The following SMAD9 variants were observed in gnomAD, a reference collection of about 807,000 sequenced individuals.
SMAD9 encodes MAD homolog 9.
Under a neutral mutation model 46.1 loss-of-function variants are expected in SMAD9, and 36 were observed. The ratio of observed to expected loss-of-function variants is 0.78; its 90% confidence interval spans 0.60 to 1.03. The LOEUF (loss-of-function observed/expected upper bound fraction) is 1.03. Ranked by LOEUF, SMAD9 falls within the 50% of genes least tolerant of loss-of-function variation. SMAD9 has a pLI of 0.00. For synonymous variants in SMAD9, 245 were observed against 237.1 expected, an observed-to-expected ratio of 1.03 and a Z score of -0.31; for missense variants, 572 against 599.8, an observed-to-expected ratio of 0.95 and a Z score of 0.48.
At chr13:36,853,347 AC>A in intron 6 of SMAD9, 71 bp downstream of exon 6, 1 of 1,452,636 alleles carries the variant, frequency 6.9e-7, no homozygotes, top group Non-Finnish European at 9.6e-7. Flanking sequence ...ACTGCCTGCC[AC>A]ATCAGTCAGG....
At position 36,920,187 on chromosome 13, in the gene SMAD9, A is replaced by AGCGGCAGCGGCG. The variant is rs886050177; in HGVS notation, c.-259_-258insCGCCGCTGCCGC. 5 of 143,946 alleles carry AGCGGCAGCGGCG rather than the reference A, an allele frequency of 3.5e-5. No individual in the cohort carries two copies. Among genetic ancestry groups the AGCGGCAGCGGCG allele is most frequent in the African/African-American group, 1.5e-4 (5 of 33,610 alleles). 8.9% of individuals were successfully genotyped at this position (143,946 alleles called of 1,614,324 possible). On this transcript the variant is annotated 5_prime_UTR_variant, in exon 1 of 7. Coordinates refer to ENST00000379826, the MANE Select transcript of SMAD9 (RefSeq NM_001127217.3). ...CGGGGACCGAGACAGCGGCTGCAGC[A>AGCGGCAGCGGCG]GCGGCGGCGGCGGCGGCGGCGGCGG...
At chr13:36,906,732 T>G (rs990813145) in intron 1 of SMAD9, among the ~76,000 whole-genome samples, 3 of 152,246 alleles carry the variant, frequency 2.0e-5, no homozygotes, top group African/African-American at 7.2e-5. Context: ...TGGCTCTTGT[T>G]AACAAAACAG....
intron 5 of SMAD9, among the ~76,000 whole-genome samples, chr13:36,856,896 G>A (rs1451997319): frequency 2.0e-5 from 3 of 147,790 alleles, no homozygotes; most frequent in South Asian, 4.3e-4. Context: ...TCTGCCTCCC[G>A]GGTTCAAGCG....
intron 1 of SMAD9, among the ~76,000 whole-genome samples, chr13:36,889,564 TTTTTTA>T (rs1385061033): frequency 3.3e-5 from 5 of 152,188 alleles, no homozygotes; most frequent in Middle Eastern, 3.2e-3. Flanking sequence ...TCTAACAGGC[TTTTTTA>T]TTTTTATTAG....
At chr13:36,859,407 G>A (rs1049790329) in intron 5 of SMAD9, among the ~76,000 whole-genome samples, 1 of 152,158 alleles carries the variant, frequency 6.6e-6, no homozygotes, top group Non-Finnish European at 1.5e-5. Context: ...AGACGGGTAG[G>A]CATTCTAAGT....
intron 1 of SMAD9, among the ~76,000 whole-genome samples, chr13:36,906,871 G>A (rs987939593): frequency 6.6e-6 from 1 of 152,040 alleles, no homozygotes; most frequent in Non-Finnish European, 1.5e-5. Flanking sequence ...AAAAGTAAAC[G>A]TAGAATTACC....
At chr13:36,855,291 A>G (rs929208313) in intron 5 of SMAD9, among the ~76,000 whole-genome samples, 2 of 151,418 alleles carry the variant, frequency 1.3e-5, no homozygotes, top group African/African-American at 4.8e-5. Flanking sequence ...GCATCCTGAG[A>G]ATGTTGCTGC....
chr13:36,888,166 C>T (rs1262687168), intron 1 of SMAD9, among the ~76,000 whole-genome samples: 1 of 152,160 alleles, frequency 6.6e-6, no homozygotes, highest in Non-Finnish European at 1.5e-5. Flanking sequence ...TCTGTGCCCC[C>T]GCCCAAATCT....
intron 1 of SMAD9, among the ~76,000 whole-genome samples, chr13:36,905,361 CTTTT>C (rs1393577063): frequency 6.6e-6 from 1 of 152,168 alleles, no homozygotes; most frequent in African/African-American, 2.4e-5. Context: ...TCTTACACTT[CTTTT>C]GAGTATCTTC....
intron 1 of SMAD9, among the ~76,000 whole-genome samples, chr13:36,884,163 T>A (rs542995853): frequency 6.6e-6 from 1 of 152,350 alleles, no homozygotes; most frequent in Non-Finnish European, 1.5e-5. Flanking sequence ...CTGGCCCTGT[T>A]AATAACAAAT....
intron 1 of SMAD9, among the ~76,000 whole-genome samples, chr13:36,884,675 C>T (rs946999112): frequency 2.0e-5 from 3 of 152,142 alleles, no homozygotes; most frequent in Non-Finnish European, 2.9e-5. Context: ...TTTAAGTTGA[C>T]GGTTTTAAAT....
rs113015356 is a variant in SMAD9, at chr13:36,915,659, TG to T, written c.-187+4456del. Among the ~76,000 whole-genome samples the T allele has an allele frequency of 9.8e-4, 149 of 152,326 alleles. 2 individuals carry two copies. The highest frequency in any genetic ancestry group is 3.4e-3 in the African/African-American group (140 of 41,564). On this transcript the variant is annotated intron_variant, in intron 1 of 6. Transcript: ENST00000379826. Reference sequence around the variant, plus strand: ...ATAGGTCTCCTTTACAATTATTCTTTGGGTTAAACTTTTTTCTTTGAATTAA... The same window carrying T: ...ATAGGTCTCCTTTACAATTATTCTTTGGTTAAACTTTTTTCTTTGAATTAA...
intron 6 of SMAD9, among the ~76,000 whole-genome samples, chr13:36,853,049 G>A (rs1202742981): frequency 6.6e-6 from 1 of 152,220 alleles, no homozygotes; most frequent in East Asian, 1.9e-4. Flanking sequence ...CACTTTGGGA[G>A]GCCAAGATGG....
At chr13:36,865,830 G>A in intron 4 of SMAD9, 72 bp from the exon 5 acceptor site, 3 of 1,232,268 alleles carry the variant, frequency 2.4e-6, no homozygotes, top group South Asian at 2.5e-5. Context: ...ATTCCACCAG[G>A]AAACTTAGTT....
chr13:36,848,428 A>T lies in SMAD9; in HGVS notation c.*248T>A. The T allele has an allele frequency of 3.7e-6, 2 of 534,020 alleles. No individual in the cohort carries two copies. Among genetic ancestry groups the T allele is most frequent in the Non-Finnish European group, 6.7e-6 (2 of 297,434 alleles). 33.1% of individuals were successfully genotyped at this position (534,020 alleles called of 1,614,324 possible). On this transcript the variant is annotated 3_prime_UTR_variant, in exon 7 of 7. Coordinates refer to ENST00000379826, the MANE Select transcript of SMAD9 (RefSeq NM_001127217.3). Reference sequence around the variant, plus strand: ...AATACTGTTGACAATATCGCCTCTCAAGTGTTTCCTCCCACAAAATCTGCT... The same window carrying T: ...AATACTGTTGACAATATCGCCTCTCTAGTGTTTCCTCCCACAAAATCTGCT...
At chr13:36,885,065 A>G (rs1008555135) in intron 1 of SMAD9, among the ~76,000 whole-genome samples, 1 of 152,252 alleles carries the variant, frequency 6.6e-6, no homozygotes, top group African/African-American at 2.4e-5. Context: ...ACCAGCATTA[A>G]GTATACCTTG....
rs1170298087 is a variant in SMAD9, at chr13:36,848,064, C to T, written c.*612G>A. 1 of 152,310 alleles carries T rather than the reference C, an allele frequency of 6.6e-6. No homozygotes were observed. The highest frequency in any genetic ancestry group is 1.5e-5 in the Non-Finnish European group (1 of 68,186). 9.4% of individuals were successfully genotyped at this position (152,310 alleles called of 1,614,324 possible). ...GACTTTTGGCTTCACAGTTTTTTTT[C>T]TTTTCCGATCACAGTTTGTTTAAAA... On this transcript the variant is annotated 3_prime_UTR_variant, in exon 7 of 7. Coordinates refer to ENST00000379826, the MANE Select transcript of SMAD9 (RefSeq NM_001127217.3).
intron 4 of SMAD9, among the ~76,000 whole-genome samples, chr13:36,866,374 G>A (rs1023857477): frequency 1.1e-4 from 17 of 151,768 alleles, no homozygotes; most frequent in Non-Finnish European, 2.5e-4. Context: ...AAGAGAGCTG[G>A]ATATTTCATC....
intron 5 of SMAD9, among the ~76,000 whole-genome samples, chr13:36,859,869 A>G (rs1338839970): frequency 6.6e-6 from 1 of 152,044 alleles, no homozygotes; most frequent in African/African-American, 2.4e-5. Flanking sequence ...CTGAGGCAGG[A>G]GAATCGCTTG....
Sources: allele counts gnomAD v4.1 joint callset (sites outside exome capture counted in the v4.1 genomes callset), GRCh38; gene constraint gnomAD v4.1.1; transcripts MANE v1.5; gene names NCBI Gene and HGNC (gene_info 2026-07-23, HGNC 2026-07-21).